Variants in LDLRAD3 observed in about 807,000 individuals in gnomAD.
The protein encoded by LDLRAD3 is low-density lipoprotein receptor class A domain-containing protein 3.
Under a neutral mutation model 29.4 loss-of-function variants are expected in LDLRAD3, and 20 were observed. The ratio of observed to expected loss-of-function variants is 0.68; its 90% CI spans 0.48 to 0.99. The LOEUF is 0.99. Ranked by LOEUF, LDLRAD3 falls within the 50% of genes least tolerant of loss-of-function variation. LDLRAD3 has a pLI of 0.00. For synonymous variants in LDLRAD3, 157 were observed against 192.7 expected (o/e 0.81, Z 1.53); for missense variants, 420 against 454.3 (o/e 0.92, Z 0.69).
At chr11:36,127,902 C>G (rs1853860954) in intron 4 of LDLRAD3, among the ~76,000 whole-genome samples, 1 of 151,814 alleles carries the variant, frequency 6.6e-6, no homozygotes, top group African/African-American at 2.4e-5. Flanking sequence ...CTTGCCTTTA[C>G]TTTCCCTGGG....
chr11:35,961,865 C>T (rs1851281993), intron 1 of LDLRAD3, among the ~76,000 whole-genome samples: 1 of 152,190 alleles, frequency 6.6e-6, no homozygotes, highest in Non-Finnish European at 1.5e-5. Flanking sequence ...GGTATCCATT[C>T]CCTCAAGCAT....
chr11:36,157,538 A>G (rs923763514), intron 4 of LDLRAD3, among the ~76,000 whole-genome samples: 3 of 152,220 alleles, frequency 2.0e-5, no homozygotes, highest in Non-Finnish European at 4.4e-5. Context: ...AACATTGGTT[A>G]GGCCAGGGAG....
At chr11:36,140,769 T>G (rs769053432) in intron 4 of LDLRAD3, among the ~76,000 whole-genome samples, 1 of 152,150 alleles carries the variant, frequency 6.6e-6, no homozygotes, top group Non-Finnish European at 1.5e-5. Context: ...TTATTTATCA[T>G]AGATAGAAAT....
chr11:35,999,656 C>T (rs1387422656), intron 1 of LDLRAD3, among the ~76,000 whole-genome samples: 2 of 152,210 alleles, frequency 1.3e-5, no homozygotes, highest in African/African-American at 4.8e-5. Context: ...ACCCAAAGTG[C>T]ACTAATTCTG....
At chr11:36,203,699 A>C (rs1350279060) in intron 4 of LDLRAD3, among the ~76,000 whole-genome samples, 1 of 152,100 alleles carries the variant, frequency 6.6e-6, no homozygotes, top group Non-Finnish European at 1.5e-5. Flanking sequence ...AGAAGTGTAG[A>C]TTGTCCCTCA....
At chr11:36,182,719 GA>G (rs1854782475) in intron 4 of LDLRAD3, among the ~76,000 whole-genome samples, 1 of 152,148 alleles carries the variant, frequency 6.6e-6, no homozygotes. Context: ...GTTCCCTGTT[GA>G]AGCTCTTGCA....
At chr11:36,063,935 C>T (rs774005166) in intron 2 of LDLRAD3, among the ~76,000 whole-genome samples, 4 of 152,158 alleles carry the variant, frequency 2.6e-5, no homozygotes, top group Admixed American at 1.3e-4. Context: ...TCAGCTTGTC[C>T]ATTCTGCCAA....
At chr11:36,040,806 A>C (rs996671889) in intron 2 of LDLRAD3, among the ~76,000 whole-genome samples, 2 of 152,206 alleles carry the variant, frequency 1.3e-5, no homozygotes, top group African/African-American at 4.8e-5. Context: ...TGTGAAAACT[A>C]TGACTTTATT....
intron 1 of LDLRAD3, among the ~76,000 whole-genome samples, chr11:36,030,892 T>C (rs948490749): frequency 1.3e-5 from 2 of 152,212 alleles, no homozygotes; most frequent in South Asian, 4.1e-4. Flanking sequence ...ATTTCTCAGC[T>C]GGAAAAGTCA....
chr11:35,984,537 G>A (rs1359049204), intron 1 of LDLRAD3, among the ~76,000 whole-genome samples: 2 of 152,174 alleles, frequency 1.3e-5, no homozygotes, highest in South Asian at 2.1e-4. Flanking sequence ...GATGGGAGTC[G>A]GGTGGGGTGA....
intron 2 of LDLRAD3, among the ~76,000 whole-genome samples, chr11:36,057,389 T>C (rs1852637352): frequency 6.6e-6 from 1 of 152,226 alleles, no homozygotes; most frequent in African/African-American, 2.4e-5. Context: ...CCTCCTCATC[T>C]TTCGTCTGTC....
At chr11:36,062,707 C>T (rs1215401097) in intron 2 of LDLRAD3, among the ~76,000 whole-genome samples, 1 of 152,164 alleles carries the variant, frequency 6.6e-6, no homozygotes, top group Admixed American at 6.5e-5. Flanking sequence ...TTATAAGGGG[C>T]TTTTCCCCCA....
At chr11:35,964,488 A>G (rs898369816) in intron 1 of LDLRAD3, among the ~76,000 whole-genome samples, 3 of 152,128 alleles carry the variant, frequency 2.0e-5, no homozygotes, top group Non-Finnish European at 2.9e-5. Context: ...GCTTTGGGAC[A>G]TAGGCACTGG....
intron 1 of LDLRAD3, among the ~76,000 whole-genome samples, chr11:35,998,848 A>C (rs192766928): frequency 4.1e-4 from 62 of 152,330 alleles, no homozygotes; most frequent in African/African-American, 1.4e-3. Context: ...TAGCGTCTTT[A>C]GGGAGATAAA....
At chr11:36,017,267 T>C (rs1393212130) in intron 1 of LDLRAD3, among the ~76,000 whole-genome samples, 1 of 152,226 alleles carries the variant, frequency 6.6e-6, no homozygotes, top group Non-Finnish European at 1.5e-5. Flanking sequence ...AGGAAGACTC[T>C]CTGGTGAAGC....
At chr11:36,132,727 C>G (rs1297326076) in intron 4 of LDLRAD3, among the ~76,000 whole-genome samples, 2 of 152,192 alleles carry the variant, frequency 1.3e-5, no homozygotes, top group Non-Finnish European at 2.9e-5. Flanking sequence ...TAGGAGAGGA[C>G]CTTACATAGT....
At chr11:36,223,083 C>G (rs1442816674) in intron 4 of LDLRAD3, among the ~76,000 whole-genome samples, 1 of 152,146 alleles carries the variant, frequency 6.6e-6, no homozygotes, top group Non-Finnish European at 1.5e-5. Context: ...GGCCAGCAGG[C>G]TCATTAAGCT....
At chr11:35,985,600 A>G (rs2133161539) in intron 1 of LDLRAD3, among the ~76,000 whole-genome samples, 1 of 152,224 alleles carries the variant, frequency 6.6e-6, no homozygotes, top group Non-Finnish European at 1.5e-5. Flanking sequence ...AGCTCCCATA[A>G]TCCCTACGTG....
At chr11:35,994,181 A>C (rs1013300520) in intron 1 of LDLRAD3, among the ~76,000 whole-genome samples, 1 of 151,888 alleles carries the variant, frequency 6.6e-6, no homozygotes, top group Admixed American at 6.6e-5. Flanking sequence ...CACCACAATA[A>C]AGTGAGTCAC....
Sources: gnomAD v4.1 joint callset for allele counts (sites outside exome capture counted in the v4.1 genomes callset) on GRCh38, gnomAD v4.1.1 for gene constraint, MANE v1.5 for transcripts, NCBI Gene and HGNC (gene_info 2026-07-23, HGNC 2026-07-21) for gene names.